The following IPO5 variants were observed in gnomAD, a reference collection of about 807,000 sequenced individuals.
IPO5 encodes importin-5.
A neutral mutation model predicts 143.3 loss-of-function variants in IPO5; 18 were observed. The ratio of observed to expected loss-of-function variants is 0.13; its 90% CI spans 0.09 to 0.19. The LOEUF (loss-of-function observed/expected upper bound fraction) is 0.19. Ranked by LOEUF, IPO5 falls within the 10% of genes least tolerant of loss-of-function variation. The pLI is 1.00. For synonymous variants in IPO5, 477 were observed against 465.7 expected (o/e 1.02, Z -0.31); for missense variants, 1,013 against 1,336.9 (o/e 0.76, Z 3.78).
chr13:98,016,957 T>G, intron 25 of IPO5, 106 bp downstream of exon 25: 1 of 788,122 alleles, frequency 1.3e-6, no homozygotes, highest in Non-Finnish European at 1.9e-6. Flanking sequence ...TCAGAAATGA[T>G]TGTTTCCATT....
intron 12 of IPO5, among the ~76,000 whole-genome samples, chr13:98,000,275 ACT>A (rs1348795623): frequency 1.3e-5 from 2 of 151,260 alleles, no homozygotes; most frequent in African/African-American, 2.4e-5. Flanking sequence ...ACAGAGCGAG[ACT>A]CTGTCTCAAA....
intron 16 of IPO5, among the ~76,000 whole-genome samples, chr13:98,005,452 C>T (rs1416098641): frequency 1.3e-5 from 2 of 151,720 alleles, no homozygotes; most frequent in Non-Finnish European, 2.9e-5. Context: ...TGGTTTTGAA[C>T]TCCTGACTCA....
intron 12 of IPO5, among the ~76,000 whole-genome samples, chr13:97,999,602 A>G (rs1888592900): frequency 1.3e-5 from 2 of 152,164 alleles, no homozygotes; most frequent in South Asian, 4.1e-4. Context: ...TTTTTATAGT[A>G]TTGTCTTTAC....
At chr13:97,959,312 C>T (rs375609646) in intron 2 of IPO5, among the ~76,000 whole-genome samples, 2 of 152,274 alleles carry the variant, frequency 1.3e-5, no homozygotes, top group South Asian at 4.1e-4. Flanking sequence ...TTTAGCTATC[C>T]CCTTCTTTCC....
At position 98,015,519 on chromosome 13, in the gene IPO5, A is replaced by C; in HGVS notation, c.2326-11A>C. On this transcript the variant is annotated splice_polypyrimidine_tract_variant and intron_variant, in intron 22 of 28. Coordinates refer to ENST00000651721, the MANE Select transcript of IPO5 (RefSeq NM_002271.6). ...ATCTTATGGATTGCTTTCTTTCCTC[A>C]ACCTCATTAGTGCATTGAAGTAATG... 1 of 1,508,014 alleles carries C rather than the reference A, an allele frequency of 6.6e-7. No homozygotes were observed. Among genetic ancestry groups the C allele is most frequent in the Non-Finnish European group, 9.1e-7 (1 of 1,093,686 alleles). The allele number at this position is 1,508,014 out of a possible 1,614,324, so 93.4% of individuals were successfully genotyped here. A position where few individuals can be genotyped will look rare whatever the true frequency, so the allele number is the denominator to read the frequency against.
intron 4 of IPO5, chr13:97,977,099 C>T: frequency 6.2e-6 from 1 of 161,382 alleles, no homozygotes. Flanking sequence ...ACTTCGCTGG[C>T]CACCCCGCTT....
At chr13:97,987,245 G>A (rs1887438954) in intron 6 of IPO5, 1 of 150,708 alleles carries the variant, frequency 6.6e-6, no homozygotes, top group Non-Finnish European at 1.5e-5. Flanking sequence ...AGAGAGTGTA[G>A]CCACCACTTT....
chr13:98,019,469 C>CT, intron 26 of IPO5, 112 bp from the exon 27 acceptor site: 3 of 770,436 alleles, frequency 3.9e-6, no homozygotes, highest in South Asian at 1.8e-5. Flanking sequence ...TTCCCATACA[C>CT]TTTAACATTT....
intron 20 of IPO5, among the ~76,000 whole-genome samples, chr13:98,010,780 C>CG (rs1889639079): frequency 2.9e-5 from 2 of 70,026 alleles, no homozygotes; most frequent in African/African-American, 1.9e-4. Flanking sequence ...AAGGATAATC[C>CG]TTTTTTTTTT....
Position 98,021,865 on chromosome 13 carries a change from C to A in IPO5, c.*43C>A. On this transcript the variant is annotated 3_prime_UTR_variant, in exon 29 of 29. Coordinates refer to ENST00000651721, the MANE Select transcript of IPO5 (RefSeq NM_002271.6). ...CACCAGAAAACTAACTCCAAATAAACGCTTACCCTTTCCTTTAGGTTTCTT... is the reference window on the plus strand; with the variant it reads ...CACCAGAAAACTAACTCCAAATAAAAGCTTACCCTTTCCTTTAGGTTTCTT... The A allele has an allele frequency of 7.5e-7, 1 of 1,327,904 alleles. No individual in the cohort carries two copies. Among genetic ancestry groups the A allele is most frequent in the Non-Finnish European group, 1.1e-6 (1 of 931,090 alleles). The allele number at this position is 1,327,904 out of a possible 1,614,324, so 82.3% of individuals were successfully genotyped here. A position where few individuals can be genotyped will look rare whatever the true frequency, so the allele number is the denominator to read the frequency against.
rs549502145 is a variant in IPO5 at position 97,987,719 on chromosome 13, T to C, written c.365-1343T>C. On this transcript the variant is annotated intron_variant, in intron 6 of 28. Coordinates refer to ENST00000651721, the MANE Select transcript of IPO5 (RefSeq NM_002271.6). The stretch of plus-strand genomic sequence containing the variant: ...GGTTTCACCCTGTTTGCCAGCCTGG[T>C]CTCAAATGCCTGACCTCAAATGGTC... Among the ~76,000 whole-genome samples the C allele has an allele frequency of 4.6e-5, 7 of 152,274 alleles. No individual in the cohort carries two copies. The East Asian group carries it at 1.2e-3, about 25-fold the overall frequency.
intron 2 of IPO5, among the ~76,000 whole-genome samples, chr13:97,966,675 G>C (rs994386933): frequency 3.9e-5 from 6 of 152,080 alleles, no homozygotes; most frequent in African/African-American, 1.4e-4. Flanking sequence ...GGTGTTAATT[G>C]CTTTTTAAAT....
chr13:97,974,361 C>T (rs1362353843), intron 3 of IPO5, among the ~76,000 whole-genome samples: 8 of 150,658 alleles, frequency 5.3e-5, no homozygotes, highest in Non-Finnish European at 1.0e-4. Context: ...GGCTGGAGTG[C>T]AATGGCACGA....
intron 4 of IPO5, among the ~76,000 whole-genome samples, chr13:97,977,683 A>G (rs1886495009): frequency 6.6e-6 from 1 of 152,116 alleles, no homozygotes; most frequent in Admixed American, 6.6e-5. Context: ...CTGTAAGCTC[A>G]TTTACCAAGT....
intron 26 of IPO5, among the ~76,000 whole-genome samples, chr13:98,019,217 G>T (rs1263471791): frequency 6.6e-6 from 1 of 152,140 alleles, no homozygotes; most frequent in Non-Finnish European, 1.5e-5. Context: ...CTCCCAAAGT[G>T]CTGAGATTAC....
At chr13:98,013,548 A>G (rs1889882916) in intron 21 of IPO5, among the ~76,000 whole-genome samples, 1 of 152,188 alleles carries the variant, frequency 6.6e-6, no homozygotes, top group African/African-American at 2.4e-5. Context: ...AGGATGCCAG[A>G]GGACAAAGCG....
chr13:98,008,191 A>T, intron 18 of IPO5, 49 bp downstream of exon 18: 1 of 1,074,326 alleles, frequency 9.3e-7, no homozygotes, highest in Admixed American at 1.7e-5. Flanking sequence ...AGTTGTGGAC[A>T]GCACATGGTT....
intron 3 of IPO5, chr13:97,976,430 C>G (rs1886317103): frequency 6.6e-6 from 1 of 151,266 alleles, no homozygotes; most frequent in Non-Finnish European, 1.5e-5. Flanking sequence ...GCGCGGCCCC[C>G]GAGGAGGCGT....
At chr13:98,012,625 T>G (rs2139835356) in intron 21 of IPO5, among the ~76,000 whole-genome samples, 1 of 152,254 alleles carries the variant, frequency 6.6e-6, no homozygotes, top group South Asian at 2.1e-4. Flanking sequence ...ATATAGTTGC[T>G]ACTTTCCCCA....
Sources: gnomAD v4.1 joint callset for allele counts (sites outside exome capture counted in the v4.1 genomes callset) on GRCh38, gnomAD v4.1.1 for gene constraint, MANE v1.5 for transcripts, NCBI Gene and HGNC (gene_info 2026-07-23, HGNC 2026-07-21) for gene names.